The following USH2A variants were observed in gnomAD, a reference collection of about 807,000 sequenced individuals.
USH2A encodes the protein usherin, also known as Usher syndrome 2A (autosomal recessive, mild).
In USH2A, 443 loss-of-function variants were observed where a neutral mutation model predicts 538.9. That is an observed-to-expected ratio of 0.82 (90% CI 0.76 to 0.89). USH2A has a LOEUF of 0.89. Ranked by LOEUF, USH2A falls within the 40% of genes least tolerant of loss-of-function variation. The pLI is 0.00. For synonymous variants in USH2A, 2,413 were observed against 2,273.5 expected (o/e 1.06, Z -1.75); for missense variants, 6,633 against 6,324.8 (o/e 1.05, Z -1.65).
chr1:215,762,927 G>A (rs1030262108), intron 56 of USH2A, among the ~76,000 whole-genome samples: 3 of 152,128 alleles, frequency 2.0e-5, no homozygotes, highest in Non-Finnish European at 4.4e-5. Flanking sequence ...CATGTCTACT[G>A]TATTTGTTTT....
chr1:216,336,163 A>T (rs2037970553), intron 4 of USH2A, among the ~76,000 whole-genome samples: 1 of 151,422 alleles, frequency 6.6e-6, no homozygotes, highest in Non-Finnish European at 1.5e-5. Context: ...AAAGGACAAA[A>T]ACGTCATGAT....
chr1:215,799,949 T>C (rs997894650), intron 49 of USH2A, among the ~76,000 whole-genome samples: 18 of 151,996 alleles, frequency 1.2e-4, no homozygotes, highest in African/African-American at 4.4e-4. Context: ...GCCAGGATTG[T>C]TTCACTGCAC....
chr1:215,844,396 C>G lies in USH2A; in HGVS notation c.9156G>C (p.Glu3052Asp), dbSNP rs766298464. Residue 3052 changes from glutamate to aspartate, a missense_variant, in exon 46 of 72, where the codon GAG (glutamate) becomes GAC (aspartate). By Grantham distance (45) the Glu-to-Asp change is conservative (BLOSUM62 2). Coordinates refer to ENST00000307340, the MANE Select transcript of USH2A (RefSeq NM_206933.4). The stretch of plus-strand genomic sequence containing the variant: ...GCTTATTATTTACATAGATAGAATA[C>G]TCAGTGACAACACCATTTGGGTTTG... ...SPSNPNGVVT[E>D]YSIYVNNKLY... 4 of 1,613,736 alleles carry G rather than the reference C, an allele frequency of 2.5e-6. No homozygotes were observed. The highest frequency in any genetic ancestry group is 2.5e-6 in the Non-Finnish European group (3 of 1,179,882).
chr1:216,147,309 C>A (rs1014157760), intron 21 of USH2A, among the ~76,000 whole-genome samples: 50 of 152,276 alleles, frequency 3.3e-4, no homozygotes, highest in African/African-American at 1.1e-3. Flanking sequence ...ACCTCCCCTC[C>A]TCACACCTGG....
chr1:215,828,204 A>G (rs1310159112), intron 47 of USH2A, among the ~76,000 whole-genome samples: 1 of 152,108 alleles, frequency 6.6e-6, no homozygotes, highest in East Asian at 1.9e-4. Context: ...AATACCAGCA[A>G]TTTAGGAGGC....
chr1:216,294,454 T>C (rs1351204017), intron 9 of USH2A, among the ~76,000 whole-genome samples: 2 of 151,974 alleles, frequency 1.3e-5, no homozygotes, highest in African/African-American at 2.4e-5. Context: ...TTAAACATCA[T>C]GTATTTTGCT....
intron 11 of USH2A, among the ~76,000 whole-genome samples, chr1:216,283,886 AT>A (rs1196121405): frequency 2.0e-5 from 3 of 152,078 alleles, no homozygotes; most frequent in Admixed American, 6.5e-5. Context: ...ATGAATGGTA[AT>A]GTTTTGACCA....
intron 64 of USH2A, among the ~76,000 whole-genome samples, chr1:215,656,557 G>A (rs757062086): frequency 6.6e-6 from 1 of 152,186 alleles, no homozygotes; most frequent in Non-Finnish European, 1.5e-5. Flanking sequence ...TCTCTAATCT[G>A]TTAACTCCTA....
At chr1:216,407,173 A>G (rs1299823341) in intron 3 of USH2A, among the ~76,000 whole-genome samples, 1 of 152,072 alleles carries the variant, frequency 6.6e-6, no homozygotes, top group Non-Finnish European at 1.5e-5. Flanking sequence ...CACTAAGTAT[A>G]AGCAAAACTG....
At chr1:216,299,045 T>C (rs1239111041) in intron 9 of USH2A, among the ~76,000 whole-genome samples, 2 of 152,198 alleles carry the variant, frequency 1.3e-5, no homozygotes, top group South Asian at 2.1e-4. Flanking sequence ...GGTTTCACCA[T>C]GTTAGCCAGG....
intron 37 of USH2A, among the ~76,000 whole-genome samples, chr1:215,952,422 A>T (rs1666944997): frequency 6.6e-6 from 1 of 152,140 alleles, no homozygotes; most frequent in Non-Finnish European, 1.5e-5. Flanking sequence ...TCCTGTCATT[A>T]TGATGTTAGC....
intron 55 of USH2A, among the ~76,000 whole-genome samples, chr1:215,776,673 G>T (rs1183800591): frequency 6.6e-6 from 1 of 152,096 alleles, no homozygotes; most frequent in Non-Finnish European, 1.5e-5. Context: ...ATTTATCCTA[G>T]GGGGTTCAGG....
At chr1:215,668,848 T>C (rs920106267) in intron 64 of USH2A, among the ~76,000 whole-genome samples, 2 of 152,164 alleles carry the variant, frequency 1.3e-5, no homozygotes, top group East Asian at 1.9e-4. Flanking sequence ...CTGGCCAATA[T>C]GGCAAAACCC....
intron 61 of USH2A, among the ~76,000 whole-genome samples, chr1:215,717,577 G>A (rs1403010451): frequency 2.6e-5 from 4 of 152,130 alleles, no homozygotes; most frequent in Admixed American, 2.0e-4. Flanking sequence ...TACACGACGA[G>A]TTTCAGAGAG....
chr1:215,697,911 C>T (rs1015183263), intron 61 of USH2A, among the ~76,000 whole-genome samples: 22 of 152,248 alleles, frequency 1.4e-4, no homozygotes, highest in Admixed American at 1.1e-3. Flanking sequence ...ATGTGCCATG[C>T]TGGTTTGCTG....
In USH2A at chr1:215,639,499, C is replaced by T. The variant is rs75547520; in HGVS notation, c.14969-261G>A. ...TACAGCAAAGGAAAAGAACATCAGA[C>T]GAGTAAAGGGTAATACACAAAGCGC... On this transcript the variant is annotated intron_variant, in intron 68 of 71. Transcript: ENST00000307340. Among the ~76,000 whole-genome samples the T allele has an allele frequency of 0.02, 3,054 of 152,226 alleles. 85 individuals are homozygous for T. The highest frequency in any genetic ancestry group is 0.068 in the African/African-American group (2,805 of 41,536).
chr1:216,062,832 C>A (rs2031229200), intron 30 of USH2A, among the ~76,000 whole-genome samples: 1 of 151,984 alleles, frequency 6.6e-6, no homozygotes, highest in African/African-American at 2.4e-5. Context: ...ATCATAAACA[C>A]AATGGCAAAT....
intron 21 of USH2A, among the ~76,000 whole-genome samples, chr1:216,158,670 C>T (rs301755): frequency 0.89 from 134,767 of 152,214 alleles, 59,820 homozygotes; most frequent in East Asian, 0.98. Context: ...CTACTTTGCC[C>T]TTTTTTAGTA....
chr1:215,930,969 C>T (rs902604487), intron 38 of USH2A, among the ~76,000 whole-genome samples: 2 of 151,608 alleles, frequency 1.3e-5, no homozygotes, highest in East Asian at 3.9e-4. Flanking sequence ...TACCTTAGTG[C>T]TAAATATGAG....
Sources: gnomAD v4.1 joint callset for allele counts (sites outside exome capture counted in the v4.1 genomes callset) on GRCh38, gnomAD v4.1.1 for gene constraint, MANE v1.5 for transcripts, NCBI Gene and HGNC (gene_info 2026-07-23, HGNC 2026-07-21) for gene names.